Variants in TMCO4 observed in about 807,000 individuals in gnomAD.
The protein encoded by TMCO4 is transmembrane and coiled-coil domains 4.
Under a neutral mutation model 64.7 loss-of-function variants are expected in TMCO4, and 58 were observed. That is an observed-to-expected ratio of 0.90 (90% CI 0.73 to 1.12). TMCO4 has a LOEUF of 1.12. Among genes scored for constraint, TMCO4 ranks in the 50% most tolerant of loss-of-function variants. TMCO4 has a pLI of 0.00. For missense variants in TMCO4, 780 were observed against 825.9 expected (o/e 0.94, Z 0.68); for synonymous variants, 325 against 346.1 (o/e 0.94, Z 0.68).
chr1:19,734,780 G>C lies in TMCO4; in HGVS notation c.1264+2592C>G, dbSNP rs1349943074. Among the ~76,000 whole-genome samples the C allele has an allele frequency of 6.6e-6, 1 of 152,114 alleles. No homozygotes were observed. Among genetic ancestry groups the C allele is most frequent in the African/African-American group, 2.4e-5 (1 of 41,416 alleles). On this transcript the variant is annotated intron_variant, in intron 13 of 15. Transcript: ENST00000294543. The surrounding 1 kb of genome is among the most constrained non-coding windows in gnomAD (Gnocchi z 4.4). ...TGAGGGCTCCAGGGCCAGACTCCCT[G>C]GGCCTGAATCCTGGCTCTGGCACTT...
At chr1:19,738,589 T>C (rs962860138) in intron 12 of TMCO4, among the ~76,000 whole-genome samples, 3 of 152,230 alleles carry the variant, frequency 2.0e-5, no homozygotes, top group African/African-American at 4.8e-5. Flanking sequence ...AGACTCTTAC[T>C]TGGGAGAGAA....
intron 13 of TMCO4, 88 bp downstream of exon 13, chr1:19,737,284 G>GC: frequency 2.3e-6 from 3 of 1,307,942 alleles, no homozygotes; most frequent in Non-Finnish European, 3.2e-6. Flanking sequence ...AACACATTTT[G>GC]CAAGGCTCAT....
chr1:19,733,933 T>C (rs2095441532), intron 13 of TMCO4, among the ~76,000 whole-genome samples: 1 of 152,192 alleles, frequency 6.6e-6, no homozygotes, highest in African/African-American at 2.4e-5. Context: ...GATGTGATAA[T>C]TGTACCTACT....
rs138040605 is a variant in TMCO4, at chr1:19,771,395, G to T, written c.267C>A (p.Ser89Arg). 1.9e-5 allele frequency: 30 copies of T among 1,614,096 alleles called. No homozygotes were observed. Among genetic ancestry groups the T allele is most frequent in the Non-Finnish European group, 2.5e-5 (29 of 1,180,012 alleles). ...CATCTGCTCCTTCACCTCCCAGGCC[G>T]CTCGCAAAAGCAGTCATGGTTGGCA... ...AVLPTMTAFA[S>R]GLGGEGADVF... Residue 89 changes from serine (S) to arginine (R), a missense_variant, in exon 5 of 16, where the codon AGC (serine) becomes AGA (arginine). Physicochemically the swap from Ser to Arg is moderately radical, Grantham distance 110 (BLOSUM62 -1). Coordinates refer to ENST00000294543, the MANE Select transcript of TMCO4 (RefSeq NM_181719.7).
At chr1:19,696,438 T>C (rs933539004) in intron 14 of TMCO4, among the ~76,000 whole-genome samples, 2 of 151,932 alleles carry the variant, frequency 1.3e-5, no homozygotes, top group Non-Finnish European at 2.9e-5. Context: ...TGGTCCCAGC[T>C]ACTTGGGAGG....
intron 1 of TMCO4, 122 bp from the exon 2 acceptor site, chr1:19,798,337 G>A (rs1351517103): frequency 2.0e-5 from 3 of 152,462 alleles, no homozygotes; most frequent in Admixed American, 6.5e-5. Flanking sequence ...TGGTACCAGA[G>A]TAGAGAGAGA....
At chr1:19,799,570 G>A (rs1027594057) in intron 1 of TMCO4, among the ~76,000 whole-genome samples, 11 of 152,196 alleles carry the variant, frequency 7.2e-5, no homozygotes, top group East Asian at 1.9e-4. Context: ...CGAGTGCTCC[G>A]CCCAGCCTCA....
intron 2 of TMCO4, among the ~76,000 whole-genome samples, chr1:19,794,794 C>A (rs1429961573): frequency 6.6e-6 from 1 of 152,166 alleles, no homozygotes. Context: ...TATATACACA[C>A]AGTGGAACAT....
At chr1:19,720,862 C>T (rs1220377278) in intron 13 of TMCO4, among the ~76,000 whole-genome samples, 1 of 151,750 alleles carries the variant, frequency 6.6e-6, no homozygotes, top group Non-Finnish European at 1.5e-5. Context: ...TTCTGCTCTG[C>T]AAAACAGGCC....
intron 10 of TMCO4, among the ~76,000 whole-genome samples, chr1:19,742,841 AG>A (rs1295029931): frequency 2.0e-5 from 3 of 152,122 alleles, no homozygotes; most frequent in Non-Finnish European, 4.4e-5. Context: ...CATGAGGTGA[AG>A]GGATCAAGAC....
intron 7 of TMCO4, among the ~76,000 whole-genome samples, chr1:19,755,027 C>T (rs925815465): frequency 1.3e-5 from 2 of 152,170 alleles, no homozygotes; most frequent in African/African-American, 4.8e-5. Context: ...TGCCCGTGAA[C>T]CAGGTGTCAT....
At chr1:19,707,935 C>G (rs1387764748) in intron 13 of TMCO4, among the ~76,000 whole-genome samples, 6 of 152,106 alleles carry the variant, frequency 3.9e-5, no homozygotes, top group Admixed American at 2.0e-4. Context: ...AACCAGATCT[C>G]GTGAGAACTC....
chr1:19,717,173 C>T (rs1231270003), intron 13 of TMCO4, among the ~76,000 whole-genome samples: 5 of 152,020 alleles, frequency 3.3e-5, no homozygotes, highest in African/African-American at 9.7e-5. Flanking sequence ...GCAACATGAG[C>T]GAAACTCCAT....
At chr1:19,710,189 C>T (rs2095324017) in intron 13 of TMCO4, among the ~76,000 whole-genome samples, 1 of 152,022 alleles carries the variant, frequency 6.6e-6, no homozygotes, top group African/African-American at 2.4e-5. Flanking sequence ...TCACTGCAGC[C>T]TCAACCTCCC....
chr1:19,750,885 T>G (rs781079547), intron 7 of TMCO4, among the ~76,000 whole-genome samples: 4 of 152,234 alleles, frequency 2.6e-5, no homozygotes, highest in Non-Finnish European at 5.9e-5. Flanking sequence ...TCTGGGCCCC[T>G]TAACCCTCTG....
chr1:19,781,070 A>G (rs1190734313), intron 3 of TMCO4, among the ~76,000 whole-genome samples: 1 of 151,612 alleles, frequency 6.6e-6, no homozygotes, highest in Non-Finnish European at 1.5e-5. Context: ...TAGATACTTC[A>G]TAAAAGAGAT....
chr1:19,766,974 C>T (rs953669826), intron 6 of TMCO4, among the ~76,000 whole-genome samples: 1 of 152,174 alleles, frequency 6.6e-6, no homozygotes, highest in Admixed American at 6.5e-5. Context: ...TCCCAGTGTG[C>T]CACTGAAGCT....
Position 19,740,874 on chromosome 1 carries a change from G to T in TMCO4, c.945C>A (p.Ala315=). 6.2e-7 allele frequency: 1 copy of T among 1,614,144 alleles called. No individual in the cohort carries two copies. Among genetic ancestry groups the T allele is most frequent in the Non-Finnish European group, 8.5e-7 (1 of 1,180,024 alleles). Reference sequence around the variant, plus strand: ...CATTGCCGAGCTCCATCAGGTACTTGGCTTCCCAGGCCAGGCAGTACTGCT... The same window carrying T: ...CATTGCCGAGCTCCATCAGGTACTTTGCTTCCCAGGCCAGGCAGTACTGCT... ...SREQYCLAWE[A]KYLMELGNAL... is the part of the protein sequence containing the mutation. Residue 315 remains alanine, a synonymous_variant, in exon 11 of 16, where the codon GCC becomes GCA. Transcript: ENST00000294543.
chr1:19,792,468 T>C (rs753303683), intron 2 of TMCO4, among the ~76,000 whole-genome samples: 4 of 152,242 alleles, frequency 2.6e-5, no homozygotes, highest in African/African-American at 4.8e-5. Context: ...TCCATAAATA[T>C]CTGACCTCAG....
Sources: allele counts gnomAD v4.1 joint callset (sites outside exome capture counted in the v4.1 genomes callset), GRCh38; gene constraint gnomAD v4.1.1; non-coding constraint Gnocchi (gnomAD v3.1); transcripts MANE v1.5; gene names NCBI Gene and HGNC (gene_info 2026-07-23, HGNC 2026-07-21).